Variants in RHOT1 observed in about 807,000 individuals in gnomAD.
RHOT1 encodes the protein ras homolog family member T1.
A neutral mutation model predicts 95.3 loss-of-function variants in RHOT1; 27 were observed. The observed-to-expected ratio is 0.28, with a 90% CI of 0.21 to 0.39. The LOEUF is 0.39. Ranked by LOEUF, RHOT1 falls within the 10% of genes least tolerant of loss-of-function variation. RHOT1 has a pLI of 1.00. For missense variants in RHOT1, 578 were observed against 786.7 expected (o/e 0.73, Z 3.17); for synonymous variants, 227 against 263.5 (o/e 0.86, Z 1.34).
intron 1 of RHOT1, among the ~76,000 whole-genome samples, chr17:32,158,053 G>T (rs941029253): frequency 2.6e-5 from 4 of 152,002 alleles, no homozygotes; most frequent in African/African-American, 7.3e-5. Flanking sequence ...ACAGAATCTC[G>T]CCACATTGCC....
rs894407525 is a variant in RHOT1 at position 32,151,182 on chromosome 17, C to T, written c.37+8453C>T. 3.9e-6 allele frequency: 3 copies of T among 772,992 alleles called. No individual in the cohort carries two copies. The African/African-American group carries it at 5.1e-5, about 13-fold the overall frequency. 47.9% of individuals were successfully genotyped at this position (772,992 alleles called of 1,614,324 possible). ...AGGTTGAGTTTCAAAGCTAGTTTCT[C>T]CTGAAGATTTCTGTCTGGGAACATG... On this transcript the variant is annotated intron_variant, in intron 1 of 19. Coordinates refer to ENST00000545287, the MANE Select transcript of RHOT1 (RefSeq NM_001033566.3).
chr17:32,192,177 A>G, intron 8 of RHOT1, 24 bp from the exon 9 acceptor site: 1 of 1,111,866 alleles, frequency 9.0e-7, no homozygotes, highest in Non-Finnish European at 1.3e-6. Flanking sequence ...TTAAACAATT[A>G]TTTCTTTTCT....
At chr17:32,180,964 C>T (rs750190655) in intron 6 of RHOT1, among the ~76,000 whole-genome samples, 1 of 152,182 alleles carries the variant, frequency 6.6e-6, no homozygotes, top group African/African-American at 2.4e-5. Context: ...AAATTACAGG[C>T]GTGAGCCACT....
In RHOT1 at chr17:32,224,660, G is replaced by A. The variant is rs140387858; in HGVS notation, c.1907G>A (p.Arg636Gln). The A allele has an allele frequency of 3.5e-5, 57 of 1,613,448 alleles. No individual in the cohort carries two copies. The highest frequency in any genetic ancestry group is 1.2e-4 in the Admixed American group (7 of 59,980). The part of the protein sequence containing the change: ...ADLKSSTFWL[R>Q]ASFGATVFAV... ...CTCAAGAGCTCCACGTTTTGGCTTC[G>A]AGCAAGTTTTGGTGCTACTGTTTTT... The change falls in exon 20 of 20, where the codon CGA (arginine) becomes CAA (glutamine). Residue 636 changes from arginine to glutamine, a missense_variant. Around this residue, in one of 4 missense-constraint regions of RHOT1, gnomAD observed 296 missense variants for 338.5 expected, o/e 0.87. Coordinates refer to ENST00000545287, the MANE Select transcript of RHOT1 (RefSeq NM_001033566.3).
chr17:32,191,387 G>T (rs2036478255), intron 8 of RHOT1, among the ~76,000 whole-genome samples: 3 of 152,094 alleles, frequency 2.0e-5, no homozygotes. Flanking sequence ...TGATTTAGAT[G>T]ATCTAAATAA....
At position 32,183,248 on chromosome 17, in the gene RHOT1, C is replaced by A; in HGVS notation, c.516C>A (p.Pro172=). ...AAGCTGTTCTTCATCCTACAGGGCC[C>A]CTGTACTGCCCAGAGGAGAAGGAGG... ...AQKAVLHPTG[P]LYCPEEKEMK... Residue 172 remains proline, a synonymous_variant, in exon 8 of 20, where the codon CCC becomes CCA. Transcript: ENST00000545287. 1 of 1,507,128 alleles carries A rather than the reference C, an allele frequency of 6.6e-7. No individual in the cohort carries two copies. Among genetic ancestry groups the A allele is most frequent in the Non-Finnish European group, 8.9e-7 (1 of 1,124,184 alleles). 93.4% of individuals were successfully genotyped at this position (1,507,128 alleles called of 1,614,324 possible).
chr17:32,199,090 A>G (rs972069138), intron 12 of RHOT1, 59 bp downstream of exon 12: 24 of 1,281,614 alleles, frequency 1.9e-5, no homozygotes, highest in Non-Finnish European at 2.7e-5. Context: ...TATGGATGAT[A>G]TAACTCTGTT....
At position 32,216,274 on chromosome 17, in the gene RHOT1, T is replaced by A. The variant is rs142134078; in HGVS notation, c.1862+5036T>A. On this transcript the variant is annotated intron_variant, in intron 19 of 19. Transcript: ENST00000545287. ...TCATTTTTTGATACTCTCAATCTCC[T>A]TCCCAGCTAGGTTTTTGTGTATAAT... is the stretch of plus-strand genomic sequence containing the variant. Among the ~76,000 whole-genome samples the A allele has an allele frequency of 3.7e-4, 57 of 152,280 alleles. No homozygotes were observed. The East Asian group carries it at 8.9e-3, about 24-fold the overall frequency.
intron 7 of RHOT1, 85 bp from the exon 8 acceptor site, chr17:32,183,086 T>C (rs1229095072): frequency 8.5e-7 from 1 of 1,177,488 alleles, no homozygotes; most frequent in Admixed American, 2.2e-5. Flanking sequence ...TTTCAAGGAA[T>C]CTTTTTTTTG....
Position 32,142,514 on chromosome 17 carries a change from G to A in RHOT1, c.-179G>A. On this transcript the variant is annotated 5_prime_UTR_variant, in exon 1 of 20. Transcript: ENST00000545287. ...CGCCGCCGCCGCCACAGCCCGCTGG[G>A]CCGGAGGAGGCGGAGCTGGCGCTGT... is the stretch of plus-strand genomic sequence containing the variant. The A allele has an allele frequency of 2.2e-6, 1 of 462,292 alleles. No homozygotes were observed. Among genetic ancestry groups the A allele is most frequent in the Non-Finnish European group, 3.6e-6 (1 of 280,908 alleles). The allele number at this position is 462,292 out of a possible 1,614,324, so 28.6% of individuals were successfully genotyped here.
intron 2 of RHOT1, among the ~76,000 whole-genome samples, chr17:32,172,462 T>G (rs1223353703): frequency 6.6e-6 from 1 of 152,240 alleles, no homozygotes; most frequent in East Asian, 1.9e-4. Context: ...TTTCACTTTT[T>G]TAGGGATTGT....
intron 16 of RHOT1, among the ~76,000 whole-genome samples, chr17:32,204,176 C>T (rs896816661): frequency 6.6e-6 from 1 of 152,136 alleles, no homozygotes; most frequent in Non-Finnish European, 1.5e-5. Flanking sequence ...ACTTCAGCCT[C>T]CCAAGGAGCT....
chr17:32,165,453 G>T (rs2033990437), intron 1 of RHOT1, among the ~76,000 whole-genome samples: 1 of 151,610 alleles, frequency 6.6e-6, no homozygotes, highest in Non-Finnish European at 1.5e-5. Context: ...AACCTGGGAG[G>T]TGGAAGTTGC....
intron 6 of RHOT1, among the ~76,000 whole-genome samples, chr17:32,178,559 G>T (rs900904685): frequency 2.6e-5 from 4 of 152,088 alleles, no homozygotes; most frequent in Non-Finnish European, 5.9e-5. Context: ...CCTCCCAGCC[G>T]CCTGCCTTGG....
chr17:32,150,669 A>C (rs2032170926), intron 1 of RHOT1: 2 of 1,597,368 alleles, frequency 1.3e-6, no homozygotes, highest in Admixed American at 3.4e-5. Flanking sequence ...TCTCATCAGG[A>C]AGATTATACA....
rs2037100521 is a variant in RHOT1, at chr17:32,198,861, CAA to C, written c.870-83_870-82del. The C allele has an allele frequency of 4.6e-6, 4 of 873,130 alleles. No homozygotes were observed. The Admixed American group carries it at 8.0e-5, about 18-fold the overall frequency. The allele number at this position is 873,130 out of a possible 1,614,324, so 54.1% of individuals were successfully genotyped here. On this transcript the variant is annotated intron_variant, in intron 11 of 19. Coordinates refer to ENST00000545287, the MANE Select transcript of RHOT1 (RefSeq NM_001033566.3). ...TATTCTTGTAAATGGTGTTACCTCA[CAA>C]AAGACTTGTTGCAATTTTATATTAA...
At chr17:32,156,564 C>A (rs2032984215) in intron 1 of RHOT1, among the ~76,000 whole-genome samples, 2 of 152,252 alleles carry the variant, frequency 1.3e-5, no homozygotes, top group South Asian at 4.1e-4. Context: ...AGCTGCCATG[C>A]CCAGCCCTTA....
rs1378507811 is a variant in RHOT1 at position 32,224,643 on chromosome 17, C to T, written c.1890C>T (p.Ser630=). ...ACGTGACACAAGCTGACCTCAAGAGCTCCACGTTTTGGCTTCGAGCAAGTT... is the reference window on the plus strand; with the variant it reads ...ACGTGACACAAGCTGACCTCAAGAGTTCCACGTTTTGGCTTCGAGCAAGTT... ...NRHVTQADLK[S]STFWLRASFG... is the part of the protein sequence containing the mutation. The change falls in exon 20 of 20, where the codon AGC becomes AGT. Residue 630 remains serine, a synonymous_variant. Coordinates refer to ENST00000545287, the MANE Select transcript of RHOT1 (RefSeq NM_001033566.3). 1.2e-6 allele frequency: 2 copies of T among 1,613,392 alleles called. No homozygotes were observed. Among genetic ancestry groups the T allele is most frequent in the East Asian group, 4.5e-5 (2 of 44,832 alleles).
At chr17:32,203,269 C>CTTTTTTTTTTTTTTTTTTTTT (rs940216011) in intron 15 of RHOT1, among the ~76,000 whole-genome samples, 1 of 72,328 alleles carries the variant, frequency 1.4e-5, no homozygotes, top group Non-Finnish European at 2.5e-5. Flanking sequence ...TCTTCTTCTT[C>CTTTTTTTTTTTTTTTTTTTTT]TTTTTTTTTT....
Sources: allele counts gnomAD v4.1 joint callset (sites outside exome capture counted in the v4.1 genomes callset), GRCh38; gene constraint gnomAD v4.1.1; regional missense constraint gnomAD v4.1.1; transcripts MANE v1.5; gene names NCBI Gene and HGNC (gene_info 2026-07-23, HGNC 2026-07-21).